The following BAZ2B variants were observed in gnomAD, a reference collection of about 807,000 sequenced individuals.
The protein encoded by BAZ2B is bromodomain adjacent to zinc finger domain 2B, also known as bromodomain adjacent to zinc finger domain protein 2B.
BAZ2B carries 91 observed loss-of-function variants against 246.0 expected under a neutral mutation model. The observed-to-expected ratio is 0.37, with a 90% confidence interval of 0.31 to 0.44. The LOEUF (loss-of-function observed/expected upper bound fraction) is 0.44. Among genes scored for constraint, BAZ2B ranks in the 20% least tolerant of loss-of-function variants. The pLI, the probability that BAZ2B is intolerant of heterozygous loss-of-function variation, is 1.00. For missense variants in BAZ2B, 2,332 were observed against 2,533.7 expected, an observed-to-expected ratio of 0.92 and a Z score of 1.71; for synonymous variants, 855 against 860.0, an observed-to-expected ratio of 0.99 and a Z score of 0.10.
intron 1 of BAZ2B, among the ~76,000 whole-genome samples, chr2:159,582,421 T>G (rs1168418879): frequency 1.3e-5 from 2 of 152,200 alleles, no homozygotes; most frequent in Non-Finnish European, 2.9e-5. Flanking sequence ...CACATACTTT[T>G]TTTTTGAGAC....
chr2:159,550,108 TG>T (rs1177056387), intron 2 of BAZ2B, among the ~76,000 whole-genome samples: 1 of 152,100 alleles, frequency 6.6e-6, no homozygotes, highest in Non-Finnish European at 1.5e-5. Flanking sequence ...CCCAAAGTCC[TG>T]GGATTAAAAA....
chr2:159,579,523 T>C (rs1686202625), intron 1 of BAZ2B, among the ~76,000 whole-genome samples: 1 of 152,194 alleles, frequency 6.6e-6, no homozygotes, highest in African/African-American at 2.4e-5. Context: ...CCATTCCTTC[T>C]GAAACTATTC....
At chr2:159,515,817 T>A (rs1559668606) in intron 2 of BAZ2B, among the ~76,000 whole-genome samples, 1 of 152,120 alleles carries the variant, frequency 6.6e-6, no homozygotes, top group Non-Finnish European at 1.5e-5. Flanking sequence ...TAAGAATAAG[T>A]TAATTTCATA....
rs1242149039 is a variant in BAZ2B at position 159,349,791 on chromosome 2, A to G, written c.4780T>C (p.Ser1594Pro). 6.2e-7 allele frequency: 1 copy of G among 1,614,032 alleles called. No homozygotes were observed. Among genetic ancestry groups the G allele is most frequent in the African/African-American group, 1.3e-5 (1 of 74,932 alleles). ...VTPQSQPPSK[S>P]PSPTPAPLGS... ...AGAGGAGCTGGGGTAGGTGAAGGTGACTTAGATGGTGGCTGAGACTGAGGA... is the reference window on the plus strand; with the variant it reads ...AGAGGAGCTGGGGTAGGTGAAGGTGGCTTAGATGGTGGCTGAGACTGAGGA... Residue 1594 changes from serine (S) to proline (P), a missense_variant, in exon 28 of 37, where the codon TCA becomes CCA. By Grantham distance (74) the Ser-to-Pro change is moderately conservative. Coordinates refer to ENST00000392783, the MANE Select transcript of BAZ2B (RefSeq NM_013450.4).
At chr2:159,472,206 T>C (rs932987275) in intron 3 of BAZ2B, among the ~76,000 whole-genome samples, 1 of 152,226 alleles carries the variant, frequency 6.6e-6, no homozygotes. Flanking sequence ...AGGTATTTTA[T>C]TTTCTTTGTA....
chr2:159,557,018 C>A (rs2089223616), intron 1 of BAZ2B, among the ~76,000 whole-genome samples: 1 of 152,102 alleles, frequency 6.6e-6, no homozygotes, highest in Non-Finnish European at 1.5e-5. Context: ...TTCTCTTTTA[C>A]CTCAGACCTT....
At chr2:159,623,174 G>A in the BAZ2B span, among the ~76,000 whole-genome samples, 1 of 150,906 alleles carries the variant, frequency 6.6e-6, no homozygotes, top group South Asian at 2.1e-4. Flanking sequence ...GGGAAGGAGG[G>A]AAGGAAGGAA....
chr2:159,562,975 T>C (rs890255904), intron 1 of BAZ2B, among the ~76,000 whole-genome samples: 2 of 152,160 alleles, frequency 1.3e-5, no homozygotes, highest in African/African-American at 4.8e-5. Flanking sequence ...ACAGACATGA[T>C]GCTATTCCAA....
chr2:159,564,504 G>C (rs2090171353), intron 1 of BAZ2B, among the ~76,000 whole-genome samples: 1 of 152,160 alleles, frequency 6.6e-6, no homozygotes, highest in South Asian at 2.1e-4. Context: ...AGCAACTGTA[G>C]TAACTCAGGT....
In BAZ2B at chr2:159,547,136, T is replaced by C. The variant is rs567013762; in HGVS notation, c.-3+8687A>G. ...GGGTTTCTCTTGAGGAGAAAGAAAA[T>C]CAGAGAATAAAATTGCAAGCATGAG... On this transcript the variant is annotated intron_variant, in intron 2 of 36. Coordinates refer to ENST00000392783, the MANE Select transcript of BAZ2B (RefSeq NM_013450.4). Among the ~76,000 whole-genome samples the C allele has an allele frequency of 3.3e-5, 5 of 152,124 alleles. No individual in the cohort carries two copies. In the South Asian group the frequency reaches 1.0e-3, roughly 32 times the overall value.
At chr2:159,690,873 A>AAGTACAG in the BAZ2B span, among the ~76,000 whole-genome samples, 1 of 117,016 alleles carries the variant, frequency 8.5e-6, no homozygotes, top group Non-Finnish European at 2.0e-5. Flanking sequence ...ACTTCTACTG[A>AAGTACAG]TTCCTCTTGT....
At chr2:159,679,351 C>CT in the BAZ2B span, among the ~76,000 whole-genome samples, 60 of 148,480 alleles carry the variant, frequency 4.0e-4, no homozygotes, top group African/African-American at 1.5e-3. Context: ...AGGTGACATG[C>CT]TTTTTTATTG....
At chr2:159,448,474 G>T in intron 4 of BAZ2B, 65 bp from the exon 5 acceptor site, 9 of 1,473,042 alleles carry the variant, frequency 6.1e-6, no homozygotes, top group South Asian at 4.5e-5. Flanking sequence ...ACGTCACAAT[G>T]GCTTTCTATG....
chr2:159,323,202 C>T (rs2062947795), intron 36 of BAZ2B, among the ~76,000 whole-genome samples: 1 of 151,982 alleles, frequency 6.6e-6, no homozygotes, highest in African/African-American at 2.4e-5. Context: ...CCAGGCTGGT[C>T]TTGAACTCCT....
chr2:159,401,333 C>G (rs74734494), intron 16 of BAZ2B, among the ~76,000 whole-genome samples: 4,866 of 152,226 alleles, frequency 0.032, 148 homozygotes, highest in East Asian at 0.13. Context: ...AGAAAACATA[C>G]AGCCAATTCT....
intron 1 of BAZ2B, among the ~76,000 whole-genome samples, chr2:159,579,645 C>A (rs993941662): frequency 6.6e-6 from 1 of 152,182 alleles, no homozygotes; most frequent in Admixed American, 6.5e-5. Flanking sequence ...AGACCAATAT[C>A]CCTGATGAAC....
chr2:159,597,263 G>A (rs1690943537), intron 1 of BAZ2B, among the ~76,000 whole-genome samples: 1 of 152,076 alleles, frequency 6.6e-6, no homozygotes, highest in Non-Finnish European at 1.5e-5. Context: ...GCAAATTTGA[G>A]TATTTAAAAT....
rs762204350 is a variant in BAZ2B at position 159,433,231 on chromosome 2, C to T, written c.1426G>A (p.Glu476Lys). Residue 476 changes from glutamate (E) to lysine (K), a missense_variant, in exon 9 of 37, where the codon GAA becomes AAA. Around this residue, in one of 9 missense-constraint regions of BAZ2B, gnomAD observed 651 missense variants for 650.9 expected, o/e 1.00. Coordinates refer to ENST00000392783, the MANE Select transcript of BAZ2B (RefSeq NM_013450.4). ...AAGAATGGATTTGGGTGGTTGTTTT[C>T]TAATGTTTGTTTTGGATGTGCTGGT... ...SSPAHPKQTL[E>K]NNHPNPFLTN... 16 of 1,614,016 alleles carry T rather than the reference C, an allele frequency of 9.9e-6. No individual in the cohort carries two copies. Among genetic ancestry groups the T allele is most frequent in the Non-Finnish European group, 1.2e-5 (14 of 1,180,018 alleles).
intron 1 of BAZ2B, among the ~76,000 whole-genome samples, chr2:159,597,678 C>G (rs1000412316): frequency 5.2e-4 from 79 of 152,148 alleles, no homozygotes; most frequent in African/African-American, 1.9e-3. Flanking sequence ...AGGCATGTGC[C>G]ACCACACCCT....
Sources: allele counts gnomAD v4.1 joint callset (sites outside exome capture counted in the v4.1 genomes callset), GRCh38; gene constraint gnomAD v4.1.1; regional missense constraint gnomAD v4.1.1; transcripts MANE v1.5; gene names NCBI Gene and HGNC (gene_info 2026-07-23, HGNC 2026-07-21).